The following CCDC33 variants were observed in gnomAD, a reference collection of about 807,000 sequenced individuals.
CCDC33 encodes coiled-coil domain containing 33.
CCDC33 carries 94 observed loss-of-function variants against 91.9 expected under a neutral mutation model. The observed-to-expected ratio is 1.02, with a 90% confidence interval of 0.87 to 1.21. The LOEUF is 1.21. Among genes scored for constraint, CCDC33 ranks in the 50% most tolerant of loss-of-function variants. The probability of loss-of-function intolerance (pLI) is 0.00; values close to 1 mark genes in which losing one functional copy is unlikely to be tolerated. For synonymous variants in CCDC33, 396 were observed against 374.5 expected (o/e 1.06, Z -0.66); for missense variants, 940 against 935.5 (o/e 1.00, Z -0.06).
intron 11 of CCDC33, among the ~76,000 whole-genome samples, chr15:74,310,899 C>T (rs897164940): frequency 5.3e-5 from 8 of 152,206 alleles, no homozygotes; most frequent in Non-Finnish European, 1.0e-4. Flanking sequence ...AGAGGCAAAG[C>T]TGAACACAGG....
intron 11 of CCDC33, among the ~76,000 whole-genome samples, chr15:74,329,042 G>A (rs1353387328): frequency 3.9e-5 from 6 of 152,134 alleles, no homozygotes; most frequent in African/African-American, 1.4e-4. Flanking sequence ...GCCACTGCAC[G>A]ATCCTTTTCT....
chr15:74,281,859 T>TG lies in CCDC33; in HGVS notation c.1095+13dup, dbSNP rs773559547. On this transcript the variant is annotated intron_variant, in intron 10 of 18. Transcript: ENST00000398814. ...GCTGCTTTCCTCTGAGGTAAGGCTG[T>TG]GGGCCAGGGGAGGGTCAGGGCCAGC... The TG allele has an allele frequency of 6.2e-7, 1 of 1,612,848 alleles. No homozygotes were observed. Among genetic ancestry groups the TG allele is most frequent in the Non-Finnish European group, 8.5e-7 (1 of 1,178,978 alleles).
At chr15:74,240,321 C>T (rs1412889117) in intron 1 of CCDC33, among the ~76,000 whole-genome samples, 1 of 152,212 alleles carries the variant, frequency 6.6e-6, no homozygotes, top group Admixed American at 6.5e-5. Context: ...CTGGGGCTGC[C>T]AGGGAGCCAA....
At chr15:74,214,200 T>G (rs2074393634), upstream of CCDC33, among the ~76,000 whole-genome samples, 1 of 152,010 alleles carries the variant, frequency 6.6e-6, no homozygotes, top group Non-Finnish European at 1.5e-5. Context: ...GTGGGCTAAT[T>G]ATAGGCCCTG....
chr15:74,262,406 T>G, intron 2 of CCDC33, 34 bp from the exon 3 acceptor site: 3 of 1,612,014 alleles, frequency 1.9e-6, no homozygotes, highest in Non-Finnish European at 2.5e-6. Context: ...ACAGAACCCC[T>G]CCCTTTGACT....
chr15:74,272,163 C>G (rs948850259), intron 6 of CCDC33, among the ~76,000 whole-genome samples: 6 of 152,158 alleles, frequency 3.9e-5, no homozygotes, highest in African/African-American at 1.4e-4. Flanking sequence ...CAACCTGCCT[C>G]CCTGCCTCAC....
intron 2 of CCDC33, among the ~76,000 whole-genome samples, chr15:74,248,801 T>G (rs989086198): frequency 2.0e-5 from 3 of 152,134 alleles, no homozygotes; most frequent in Non-Finnish European, 4.4e-5. Context: ...CAGCCTGTCT[T>G]CATCTAAGCC....
At chr15:74,296,884 T>C (rs1398459420) in intron 11 of CCDC33, among the ~76,000 whole-genome samples, 1 of 152,212 alleles carries the variant, frequency 6.6e-6, no homozygotes, top group Non-Finnish European at 1.5e-5. Context: ...GGCTGAATTA[T>C]TGGGTAGCTT....
chr15:74,230,404 C>T (rs533028540), intron 2 of CCDC33, among the ~76,000 whole-genome samples: 15 of 152,298 alleles, frequency 9.8e-5, no homozygotes, highest in Non-Finnish European at 2.1e-4. Flanking sequence ...CTTCATTGCT[C>T]ACTCCTTTAT....
At chr15:74,226,796 C>G (rs1243164037) in intron 2 of CCDC33, among the ~76,000 whole-genome samples, 1 of 149,130 alleles carries the variant, frequency 6.7e-6, no homozygotes, top group Non-Finnish European at 1.5e-5. Context: ...CCACTGCACT[C>G]TAGCTTGGGC....
At chr15:74,249,958 C>T (rs1462163603) in intron 2 of CCDC33, among the ~76,000 whole-genome samples, 3 of 152,190 alleles carry the variant, frequency 2.0e-5, no homozygotes, top group Admixed American at 6.5e-5. Context: ...ATCTCGTCTA[C>T]CTGACCTTAA....
chr15:74,307,092 TG>T (rs1387061647), intron 11 of CCDC33, among the ~76,000 whole-genome samples: 1 of 151,798 alleles, frequency 6.6e-6, no homozygotes, highest in Non-Finnish European at 1.5e-5. Context: ...AATTAAATGG[TG>T]GGTGGGCGAG....
intron 11 of CCDC33, among the ~76,000 whole-genome samples, chr15:74,327,695 A>G (rs1214192503): frequency 6.6e-6 from 1 of 152,196 alleles, no homozygotes; most frequent in African/African-American, 2.4e-5. Context: ...GTTGGAGAAC[A>G]GGAGGGTCTT....
intron 7 of CCDC33, among the ~76,000 whole-genome samples, chr15:74,275,712 G>C (rs1402133226): frequency 6.6e-6 from 1 of 151,938 alleles, no homozygotes; most frequent in Non-Finnish European, 1.5e-5. Flanking sequence ...CTGTCCCCCA[G>C]GCTGGAGTGC....
chr15:74,262,406 T>C (rs754479651), intron 2 of CCDC33, 34 bp from the exon 3 acceptor site: 1 of 1,612,014 alleles, frequency 6.2e-7, no homozygotes, highest in East Asian at 2.2e-5. Context: ...ACAGAACCCC[T>C]CCCTTTGACT....
intron 2 of CCDC33, among the ~76,000 whole-genome samples, chr15:74,230,405 A>C (rs1327575247): frequency 6.6e-6 from 1 of 151,992 alleles, no homozygotes; most frequent in Non-Finnish European, 1.5e-5. Flanking sequence ...TTCATTGCTC[A>C]CTCCTTTATT....
rs143814214 is a variant in CCDC33, at chr15:74,271,939, T to G, written c.638+145T>G. The G allele has an allele frequency of 4.2e-4, 269 of 646,702 alleles. 1 individual carries two copies. In the East Asian group the frequency reaches 7.5e-3, roughly 18 times the overall value. The allele number at this position is 646,702 out of a possible 1,614,324, so 40.1% of individuals were successfully genotyped here. A position where few individuals can be genotyped will look rare whatever the true frequency, so the allele number is the denominator to read the frequency against. On this transcript the variant is annotated intron_variant, in intron 6 of 18. Transcript: ENST00000398814. The stretch of plus-strand genomic sequence containing the variant: ...AGGCCCTTCAAGCCTCTCCATTGGG[T>G]CTGAGGTCCCAGTAAGCTTCCTGCA...
intron 11 of CCDC33, among the ~76,000 whole-genome samples, chr15:74,321,243 CTTATT>C (rs2060200656): frequency 1.3e-5 from 2 of 151,884 alleles, no homozygotes; most frequent in Non-Finnish European, 2.9e-5. Flanking sequence ...TTTATTTTAT[CTTATT>C]TTATTTATTT....
chr15:74,323,289 A>T (rs1252177446), intron 11 of CCDC33, among the ~76,000 whole-genome samples: 8 of 152,140 alleles, frequency 5.3e-5, no homozygotes, highest in African/African-American at 1.9e-4. Flanking sequence ...AAATTCTTTT[A>T]AATTGTGAAA....
Sources: allele counts gnomAD v4.1 joint callset (sites outside exome capture counted in the v4.1 genomes callset), GRCh38; gene constraint gnomAD v4.1.1; transcripts MANE v1.5; gene names NCBI Gene and HGNC (gene_info 2026-07-23, HGNC 2026-07-21).